The following FMNL2 variants were observed in gnomAD, a reference collection of about 807,000 sequenced individuals.
FMNL2 encodes formin like 2.
In FMNL2, 51 loss-of-function variants were observed where a neutral mutation model predicts 130.2. The ratio of observed to expected loss-of-function variants is 0.39; its 90% CI spans 0.31 to 0.49. The LOEUF is 0.49. Among genes scored for constraint, FMNL2 ranks in the 20% least tolerant of loss-of-function variants. The probability of loss-of-function intolerance (pLI) is 0.85; values close to 1 mark genes in which losing one functional copy is unlikely to be tolerated. For missense variants in FMNL2, 977 were observed against 1,316.2 expected (o/e 0.74, Z 3.99); for synonymous variants, 465 against 467.1 (o/e 1.00, Z 0.06).
intron 6 of FMNL2, among the ~76,000 whole-genome samples, chr2:152,574,749 T>A (rs1200372190): frequency 3.9e-5 from 6 of 152,264 alleles, no homozygotes; most frequent in Non-Finnish European, 8.8e-5. Context: ...AACAGTCATG[T>A]ACTTAACAAG....
chr2:152,597,918 G>C (rs1466055380), intron 9 of FMNL2, among the ~76,000 whole-genome samples: 1 of 152,234 alleles, frequency 6.6e-6, no homozygotes, highest in Admixed American at 6.5e-5. Context: ...AAGCAAAGAT[G>C]AAAGTAGAAG....
At chr2:152,519,716 G>T (rs1355974856) in intron 1 of FMNL2, among the ~76,000 whole-genome samples, 1 of 152,208 alleles carries the variant, frequency 6.6e-6, no homozygotes, top group Non-Finnish European at 1.5e-5. Context: ...ATGTTAAATG[G>T]AGAAGATTAT....
intron 10 of FMNL2, among the ~76,000 whole-genome samples, chr2:152,609,295 A>G (rs1052191882): frequency 6.6e-6 from 1 of 152,242 alleles, no homozygotes; most frequent in Non-Finnish European, 1.5e-5. Context: ...GGCATATCAT[A>G]AAACTCAGTA....
intron 1 of FMNL2, among the ~76,000 whole-genome samples, chr2:152,415,057 G>C (rs901193431): frequency 1.3e-5 from 2 of 152,142 alleles, no homozygotes; most frequent in African/African-American, 2.4e-5. Flanking sequence ...CACAGATTCA[G>C]CTGTGCTGTG....
chr2:152,640,897 T>C lies in FMNL2; in HGVS notation c.3152T>C (p.Ile1051Thr), dbSNP rs1683027499. ...GTATATGAGGGAAAAGATGGTGCCA[T>C]TGAAGATATTATCACAGGTAAAAGA... ...RHVYEGKDGA[I>T]EDIITDLRNQ... The change falls in exon 25 of 26, where the codon ATT (isoleucine) becomes ACT (threonine). Residue 1051 changes from isoleucine to threonine, a missense_variant. Coordinates refer to ENST00000288670, the MANE Select transcript of FMNL2 (RefSeq NM_052905.4). The C allele has an allele frequency of 6.2e-7, 1 of 1,613,780 alleles. No individual in the cohort carries two copies.
intron 9 of FMNL2, among the ~76,000 whole-genome samples, chr2:152,606,162 G>T (rs1198600491): frequency 6.6e-6 from 1 of 152,166 alleles, no homozygotes; most frequent in Non-Finnish European, 1.5e-5. Context: ...CATTTTAGAA[G>T]AATTTTTGAG....
intron 25 of FMNL2, among the ~76,000 whole-genome samples, chr2:152,642,094 C>G (rs1683133778): frequency 6.6e-6 from 1 of 152,192 alleles, no homozygotes; most frequent in East Asian, 1.9e-4. Context: ...GCGCCCACCA[C>G]CACGCCTGGA....
At chr2:152,346,683 A>G (rs987635773) in intron 1 of FMNL2, among the ~76,000 whole-genome samples, 2 of 152,156 alleles carry the variant, frequency 1.3e-5, no homozygotes, top group East Asian at 3.9e-4. Flanking sequence ...AAGTTCCACG[A>G]TTGATTTCCT....
chr2:152,361,955 A>G (rs1172625595), intron 1 of FMNL2, among the ~76,000 whole-genome samples: 1 of 152,184 alleles, frequency 6.6e-6, no homozygotes, highest in Non-Finnish European at 1.5e-5. Context: ...TTTTTTTCCC[A>G]TTAGTACACA....
At chr2:152,447,251 C>T (rs536017627) in intron 1 of FMNL2, among the ~76,000 whole-genome samples, 1 of 151,984 alleles carries the variant, frequency 6.6e-6, no homozygotes, top group African/African-American at 2.4e-5. Flanking sequence ...TAGGCATGCA[C>T]CACCACACCT....
chr2:152,626,826 A>G, intron 17 of FMNL2, 99 bp downstream of exon 17: 2 of 1,272,800 alleles, frequency 1.6e-6, no homozygotes, highest in Non-Finnish European at 2.1e-6. Flanking sequence ...GTGAGACAAG[A>G]CCTAAGATAA....
chr2:152,473,914 G>A (rs189979761), intron 1 of FMNL2, among the ~76,000 whole-genome samples: 4 of 152,022 alleles, frequency 2.6e-5, no homozygotes, highest in East Asian at 1.9e-4. Flanking sequence ...TCGCTCTGTC[G>A]CCCAGGCTGG....
intron 1 of FMNL2, among the ~76,000 whole-genome samples, chr2:152,372,194 A>G (rs1293496942): frequency 6.6e-6 from 1 of 152,214 alleles, no homozygotes; most frequent in Non-Finnish European, 1.5e-5. Context: ...AAATACAAGT[A>G]CTATTTGGCA....
At chr2:152,549,459 G>C (rs890751308) in intron 4 of FMNL2, among the ~76,000 whole-genome samples, 2 of 152,164 alleles carry the variant, frequency 1.3e-5, no homozygotes, top group East Asian at 1.9e-4. Context: ...TCTCCAAGTT[G>C]GTTGGTTGAA....
At chr2:152,566,680 G>A (rs1695857530) in intron 6 of FMNL2, among the ~76,000 whole-genome samples, 2 of 152,200 alleles carry the variant, frequency 1.3e-5, no homozygotes, top group Admixed American at 1.3e-4. Context: ...TATATGATTT[G>A]TGGCTGACAA....
intron 1 of FMNL2, among the ~76,000 whole-genome samples, chr2:152,473,213 A>G (rs906487866): frequency 6.6e-6 from 1 of 152,190 alleles, no homozygotes; most frequent in Non-Finnish European, 1.5e-5. Flanking sequence ...TGTATGATAC[A>G]TATCTTTTTA....
chr2:152,465,733 A>G (rs1380794426), intron 1 of FMNL2, among the ~76,000 whole-genome samples: 3 of 152,200 alleles, frequency 2.0e-5, no homozygotes, highest in South Asian at 2.1e-4. Context: ...TGGAGAGATC[A>G]GGTTTCTTCC....
chr2:152,420,238 T>C (rs1686837011), intron 1 of FMNL2, among the ~76,000 whole-genome samples: 1 of 152,208 alleles, frequency 6.6e-6, no homozygotes, highest in East Asian at 1.9e-4. Context: ...AAGACGAATT[T>C]GGTCACCACA....
At chr2:152,581,570 G>A (rs1696782385) in intron 9 of FMNL2, among the ~76,000 whole-genome samples, 1 of 152,132 alleles carries the variant, frequency 6.6e-6, no homozygotes, top group Admixed American at 6.5e-5. Context: ...AAGAAAGGAG[G>A]GATTACACAA....
Sources: allele counts gnomAD v4.1 joint callset (sites outside exome capture counted in the v4.1 genomes callset), GRCh38; gene constraint gnomAD v4.1.1; transcripts MANE v1.5; gene names NCBI Gene and HGNC (gene_info 2026-07-23, HGNC 2026-07-21).